Variants in DYNC1I2 observed in about 807,000 individuals in gnomAD.
DYNC1I2 encodes the protein cytoplasmic dynein 1 intermediate chain 2.
DYNC1I2 carries 53 observed loss-of-function variants against 88.6 expected under a neutral mutation model. The ratio of observed to expected loss-of-function variants is 0.60; its 90% confidence interval spans 0.48 to 0.75. The LOEUF (loss-of-function observed/expected upper bound fraction) is 0.75, where lower values mean the gene tolerates loss of function less well. Among genes scored for constraint, DYNC1I2 ranks in the 30% least tolerant of loss-of-function variants. The probability of loss-of-function intolerance (pLI) is 0.00; values close to 1 mark genes in which losing one functional copy is unlikely to be tolerated. For missense variants in DYNC1I2, 458 were observed against 766.6 expected, an observed-to-expected ratio of 0.60 and a Z score of 4.75; for synonymous variants, 198 against 254.6, an observed-to-expected ratio of 0.78 and a Z score of 2.12.
At chr2:171,708,742 G>T (rs1405936789) in intron 5 of DYNC1I2, among the ~76,000 whole-genome samples, 1 of 151,644 alleles carries the variant, frequency 6.6e-6, no homozygotes, top group Non-Finnish European at 1.5e-5. Context: ...ACCCAGACTG[G>T]AGGGCAGTGG....
intron 3 of DYNC1I2, among the ~76,000 whole-genome samples, chr2:171,696,994 A>T (rs1685818237): frequency 6.6e-6 from 1 of 150,798 alleles, no homozygotes; most frequent in Non-Finnish European, 1.5e-5. Context: ...TATTTTTCTT[A>T]ATTATTATTA....
At chr2:171,738,213 TC>T (rs1488628481) in intron 15 of DYNC1I2, among the ~76,000 whole-genome samples, 1 of 151,874 alleles carries the variant, frequency 6.6e-6, no homozygotes, top group Non-Finnish European at 1.5e-5. Flanking sequence ...ACACCTGTAA[TC>T]CCAGCTACTC....
intron 17 of DYNC1I2, among the ~76,000 whole-genome samples, chr2:171,746,916 G>A (rs897782663): frequency 2.6e-5 from 4 of 151,856 alleles, no homozygotes; most frequent in Non-Finnish European, 4.4e-5. Context: ...TATTGGGGCC[G>A]GGCGCAGTGG....
Position 171,728,704 on chromosome 2 carries a change from T to C in DYNC1I2, c.1258-13T>C. The C allele has an allele frequency of 6.5e-7, 1 of 1,535,364 alleles. No homozygotes were observed. The highest frequency in any genetic ancestry group is 1.3e-5 in the South Asian group (1 of 78,026). ...AAGTTTACAAACTAATTTTCTCAGG[T>C]TTTTCTATGTAGGATAGCATGGAGT... On this transcript the variant is annotated splice_polypyrimidine_tract_variant and intron_variant, in intron 13 of 17. Transcript: ENST00000397119.
intron 7 of DYNC1I2, among the ~76,000 whole-genome samples, chr2:171,719,140 T>C (rs866796247): frequency 2.6e-5 from 4 of 152,130 alleles, no homozygotes; most frequent in Admixed American, 6.5e-5. Context: ...GTTGTCCTTT[T>C]AGTTACAGGT....
At chr2:171,742,497 A>T (rs761339368) in intron 15 of DYNC1I2, among the ~76,000 whole-genome samples, 2 of 152,134 alleles carry the variant, frequency 1.3e-5, no homozygotes, top group Non-Finnish European at 2.9e-5. Flanking sequence ...GCATATGTAT[A>T]TCTAGTTTTC....
rs751832121 is a variant in DYNC1I2 at position 171,725,902 on chromosome 2, A to G, written c.608-17A>G. On this transcript the variant is annotated splice_polypyrimidine_tract_variant and intron_variant, in intron 8 of 17. Coordinates refer to ENST00000397119, the MANE Select transcript of DYNC1I2 (RefSeq NM_001378.3). Reference sequence around the variant, plus strand: ...GCCTGACATAAATCATACTTCAAAAAATTATTTATTTTCCAGCTCCCCCTC... The same window carrying G: ...GCCTGACATAAATCATACTTCAAAAGATTATTTATTTTCCAGCTCCCCCTC... 1 of 1,556,560 alleles carries G rather than the reference A, an allele frequency of 6.4e-7. No individual in the cohort carries two copies. Among genetic ancestry groups the G allele is most frequent in the Non-Finnish European group, 8.6e-7 (1 of 1,159,944 alleles).
At chr2:171,719,879 G>C (rs1247920126) in intron 7 of DYNC1I2, among the ~76,000 whole-genome samples, 1 of 152,144 alleles carries the variant, frequency 6.6e-6, no homozygotes, top group East Asian at 1.9e-4. Flanking sequence ...GACTTCAGTC[G>C]ATTTTCTTCT....
intron 13 of DYNC1I2, 85 bp downstream of exon 13, chr2:171,728,503 C>A: frequency 1.1e-6 from 1 of 912,368 alleles, no homozygotes; most frequent in Non-Finnish European, 1.6e-6. Context: ...TTCTCATAAA[C>A]TGTTTTATAG....
At chr2:171,737,752 T>A (rs2105752977) in intron 15 of DYNC1I2, among the ~76,000 whole-genome samples, 1 of 152,230 alleles carries the variant, frequency 6.6e-6, no homozygotes, top group African/African-American at 2.4e-5. Context: ...TTTACCCAGT[T>A]ACAGTGCATC....
intron 4 of DYNC1I2, 103 bp from the exon 5 acceptor site, chr2:171,707,184 T>C: frequency 6.4e-7 from 1 of 1,551,162 alleles, no homozygotes. Flanking sequence ...CCATTGTTTT[T>C]TTCTTTTTTG....
intron 3 of DYNC1I2, among the ~76,000 whole-genome samples, chr2:171,700,876 C>T (rs1320182258): frequency 1.3e-5 from 2 of 152,214 alleles, no homozygotes; most frequent in East Asian, 3.9e-4. Context: ...CGTGATCCAC[C>T]CTACTCAGCC....
At chr2:171,716,656 A>G (rs1222426225) in intron 7 of DYNC1I2, among the ~76,000 whole-genome samples, 1 of 152,172 alleles carries the variant, frequency 6.6e-6, no homozygotes, top group Non-Finnish European at 1.5e-5. Flanking sequence ...CACCCGTACT[A>G]GCACTTTGGG....
intron 11 of DYNC1I2, 87 bp downstream of exon 11, chr2:171,727,003 C>A (rs945761335): frequency 1.5e-6 from 2 of 1,368,422 alleles, no homozygotes; most frequent in Admixed American, 2.9e-5. Context: ...TTCTTGTCAA[C>A]ATAATGATTT....
chr2:171,735,566 A>G (rs1688945825), intron 15 of DYNC1I2, among the ~76,000 whole-genome samples: 1 of 152,256 alleles, frequency 6.6e-6, no homozygotes, highest in African/African-American at 2.4e-5. Flanking sequence ...TTCAACCTGT[A>G]TAGAAGACAA....
At chr2:171,730,051 C>A (rs189066013) in intron 15 of DYNC1I2, among the ~76,000 whole-genome samples, 198 bp downstream of exon 15, 44 of 152,266 alleles carry the variant, frequency 2.9e-4, no homozygotes, top group Admixed American at 5.2e-4. Flanking sequence ...AGTATGGTAA[C>A]CCTACGCAGA....
chr2:171,725,386 A>G (rs1008908648), intron 7 of DYNC1I2, among the ~76,000 whole-genome samples: 3 of 152,172 alleles, frequency 2.0e-5, no homozygotes, highest in East Asian at 1.9e-4. Context: ...GAGGTACCAC[A>G]TAGGTATGTA....
rs1033648515 is a variant in DYNC1I2, at chr2:171,749,744, C to T, written c.*1855C>T. The stretch of plus-strand genomic sequence containing the variant: ...TTCTCCCCTACTCCCCCAGAAAATG[C>T]GATGTATACCTTTGCCCATTCAACT... On this transcript the variant is annotated 3_prime_UTR_variant, in exon 18 of 18. Transcript: ENST00000397119. Among the ~76,000 whole-genome samples the T allele has an allele frequency of 3.3e-5, 5 of 152,054 alleles. No homozygotes were observed. The highest frequency in any genetic ancestry group is 4.8e-5 in the African/African-American group (2 of 41,418).
chr2:171,718,286 AT>A (rs1299700678), intron 7 of DYNC1I2, among the ~76,000 whole-genome samples: 1 of 151,812 alleles, frequency 6.6e-6, no homozygotes, highest in Non-Finnish European at 1.5e-5. Context: ...AACTATTTTC[AT>A]TTTTTAAAAA....
Sources: gnomAD v4.1 joint callset for allele counts (sites outside exome capture counted in the v4.1 genomes callset) on GRCh38, gnomAD v4.1.1 for gene constraint, MANE v1.5 for transcripts, NCBI Gene and HGNC (gene_info 2026-07-23, HGNC 2026-07-21) for gene names.